PDGFD: variants seen among roughly 807,000 people sequenced by gnomAD.
PDGFD encodes platelet-derived growth factor D.
PDGFD carries 30 observed loss-of-function variants against 44.7 expected under a neutral mutation model. The ratio of observed to expected loss-of-function variants is 0.67; its 90% CI spans 0.50 to 0.91. The LOEUF (loss-of-function observed/expected upper bound fraction) is 0.91, where lower values mean the gene tolerates loss of function less well. Among genes scored for constraint, PDGFD ranks in the 40% least tolerant of loss-of-function variants. The pLI is 0.00. For synonymous variants in PDGFD, 173 were observed against 168.4 expected (o/e 1.03, Z -0.21); for missense variants, 445 against 457.8 (o/e 0.97, Z 0.25).
chr11:103,919,502 C>CTTTTTTTT (rs71037206), intron 6 of PDGFD, among the ~76,000 whole-genome samples: 76 of 88,758 alleles, frequency 8.6e-4, no homozygotes, highest in East Asian at 1.2e-3. Flanking sequence ...AAGATTCTTC[C>CTTTTTTTT]TTTTTTTTTT....
chr11:104,059,937 G>A (rs1860685069), intron 1 of PDGFD, among the ~76,000 whole-genome samples: 1 of 152,202 alleles, frequency 6.6e-6, no homozygotes, highest in Non-Finnish European at 1.5e-5. Flanking sequence ...AATATCAGTT[G>A]TCATTTCACT....
intron 1 of PDGFD, among the ~76,000 whole-genome samples, chr11:104,012,283 G>C (rs1430761679): frequency 6.6e-6 from 1 of 152,018 alleles, no homozygotes; most frequent in African/African-American, 2.4e-5. Context: ...TTCTGAAAAA[G>C]GTCATGTTAC....
chr11:103,995,232 G>A (rs995476430), intron 3 of PDGFD, among the ~76,000 whole-genome samples: 3 of 151,952 alleles, frequency 2.0e-5, no homozygotes, highest in South Asian at 2.1e-4. Flanking sequence ...AGCTCCAGAC[G>A]GTTCAAGGAC....
At chr11:103,910,048 A>T (rs4754999) in intron 6 of PDGFD, among the ~76,000 whole-genome samples, 69,580 of 151,952 alleles carry the variant, frequency 0.46, 16,050 homozygotes, top group South Asian at 0.49. Flanking sequence ...TGCCCAGCAT[A>T]ACTTACCTGA....
At chr11:103,947,784 C>T in intron 3 of PDGFD, 60 bp from the exon 4 acceptor site, 3 of 1,190,310 alleles carry the variant, frequency 2.5e-6, no homozygotes, top group South Asian at 1.2e-5. Context: ...ATTATGTGCA[C>T]AGTTTCAACA....
chr11:104,105,459 T>C (rs915504465), intron 1 of PDGFD, among the ~76,000 whole-genome samples: 3 of 152,004 alleles, frequency 2.0e-5, no homozygotes, highest in African/African-American at 4.8e-5. Flanking sequence ...GAAAAAAAAA[T>C]AAACCATGTT....
chr11:103,928,679 A>G (rs1329922561), intron 5 of PDGFD, among the ~76,000 whole-genome samples: 2 of 152,210 alleles, frequency 1.3e-5, no homozygotes, highest in African/African-American at 4.8e-5. Flanking sequence ...CCAAATAATC[A>G]CTGTGCATAA....
At chr11:104,140,984 T>C (rs1301563232) in intron 1 of PDGFD, among the ~76,000 whole-genome samples, 4 of 152,246 alleles carry the variant, frequency 2.6e-5, no homozygotes, top group South Asian at 2.1e-4. Flanking sequence ...ATTCATTTAA[T>C]GTTGCTGCCC....
At chr11:103,917,832 C>A (rs142184421) in intron 6 of PDGFD, among the ~76,000 whole-genome samples, 65 of 152,204 alleles carry the variant, frequency 4.3e-4, no homozygotes, top group African/African-American at 1.5e-3. Context: ...GTGTCTGGCT[C>A]CCCATGTGAA....
chr11:104,105,538 T>C (rs941042979), intron 1 of PDGFD, among the ~76,000 whole-genome samples: 3 of 152,130 alleles, frequency 2.0e-5, no homozygotes, highest in African/African-American at 7.2e-5. Flanking sequence ...GAAAAAAGGA[T>C]ATTTGTATCT....
intron 5 of PDGFD, among the ~76,000 whole-genome samples, chr11:103,932,940 T>C (rs1021318071): frequency 6.6e-6 from 1 of 152,122 alleles, no homozygotes; most frequent in Non-Finnish European, 1.5e-5. Flanking sequence ...ATTAAGAAAC[T>C]AGGATTTAGA....
chr11:103,956,151 T>G (rs962133252), intron 3 of PDGFD, among the ~76,000 whole-genome samples: 5 of 151,164 alleles, frequency 3.3e-5, no homozygotes, highest in Non-Finnish European at 7.4e-5. Context: ...CATGCTGGTG[T>G]GCTGCACCCA....
chr11:103,946,267 A>T (rs1458243669), intron 4 of PDGFD, among the ~76,000 whole-genome samples: 1 of 152,254 alleles, frequency 6.6e-6, no homozygotes, highest in Non-Finnish European at 1.5e-5. Context: ...GTTCTTGAAC[A>T]ATGGAGTGCT....
intron 1 of PDGFD, among the ~76,000 whole-genome samples, chr11:104,142,482 T>C (rs978875862): frequency 1.3e-5 from 2 of 152,142 alleles, no homozygotes; most frequent in Non-Finnish European, 2.9e-5. Flanking sequence ...CTATTAGAGA[T>C]GATCTAATAG....
At chr11:103,931,741 A>G (rs1858402630) in intron 5 of PDGFD, among the ~76,000 whole-genome samples, 2 of 152,130 alleles carry the variant, frequency 1.3e-5, no homozygotes, top group East Asian at 3.9e-4. Flanking sequence ...TGTGTGCCAC[A>G]TGCCCAGCTA....
intron 2 of PDGFD, among the ~76,000 whole-genome samples, chr11:103,998,317 A>T (rs998448137): frequency 6.6e-6 from 1 of 152,180 alleles, no homozygotes; most frequent in Non-Finnish European, 1.5e-5. Context: ...TCATCACCAG[A>T]AAGAACAAGA....
At chr11:103,912,308 G>C (rs780563136) in intron 6 of PDGFD, among the ~76,000 whole-genome samples, 3 of 152,236 alleles carry the variant, frequency 2.0e-5, no homozygotes, top group African/African-American at 4.8e-5. Context: ...AGCCAGAAGA[G>C]AGTGAGGGCC....
chr11:104,002,147 G>T (rs1032702547), intron 1 of PDGFD, among the ~76,000 whole-genome samples: 4 of 152,134 alleles, frequency 2.6e-5, no homozygotes, highest in African/African-American at 7.2e-5. Context: ...ATTTCTGCTC[G>T]TTGAGTCTTT....
rs78959343 is a variant in PDGFD, at chr11:104,006,735, C to T, written c.125-6480G>A. On this transcript the variant is annotated intron_variant, in intron 1 of 6. Coordinates refer to ENST00000393158, the MANE Select transcript of PDGFD (RefSeq NM_025208.5). ...ATATCAAGAGGAGTTCAGCTGGGGG[C>T]GGCTAGAGAGGAGACCTGCTGCTGG... Among the ~76,000 whole-genome samples, 3,705 of 152,156 alleles carry T rather than the reference C, an allele frequency of 0.024. 202 individuals are homozygous for T. The East Asian group carries it at 0.26, about 11-fold the overall frequency.
Sources: allele counts gnomAD v4.1 joint callset (sites outside exome capture counted in the v4.1 genomes callset), GRCh38; gene constraint gnomAD v4.1.1; transcripts MANE v1.5; gene names NCBI Gene and HGNC (gene_info 2026-07-23, HGNC 2026-07-21).